Variants in MLLT3 observed in about 807,000 individuals in gnomAD.
MLLT3 encodes the protein protein AF-9.
In MLLT3, 4 loss-of-function variants were observed where a neutral mutation model predicts 53.2. That is an observed-to-expected ratio of 0.08 (90% confidence interval 0.04 to 0.17). The LOEUF is 0.17. Among genes scored for constraint, MLLT3 ranks in the 10% least tolerant of loss-of-function variants. MLLT3 has a pLI of 1.00. For synonymous variants in MLLT3, 283 were observed against 230.6 expected (o/e 1.23, Z -2.06); for missense variants, 569 against 684.0 (o/e 0.83, Z 1.87).
chr9:20,423,686 T>C (rs1433504575), intron 4 of MLLT3, among the ~76,000 whole-genome samples: 3 of 151,460 alleles, frequency 2.0e-5, no homozygotes, highest in Non-Finnish European at 2.9e-5. Flanking sequence ...TAGTGGCATG[T>C]GCCTGTAGTC....
chr9:20,542,157 G>A (rs147330945), intron 2 of MLLT3, among the ~76,000 whole-genome samples: 67 of 152,068 alleles, frequency 4.4e-4, no homozygotes, highest in South Asian at 2.7e-3. Flanking sequence ...TGTGTTGCCA[G>A]GCAAGAAAAT....
intron 2 of MLLT3, among the ~76,000 whole-genome samples, chr9:20,588,837 C>T (rs1277147557): frequency 1.3e-5 from 2 of 152,034 alleles, no homozygotes; most frequent in Non-Finnish European, 2.9e-5. Context: ...TGAAAAAATG[C>T]TCACCATCAC....
rs767971526 is a variant in MLLT3, at chr9:20,363,534, T to C, written c.1273A>G (p.Asn425Asp). ...CTCTCCATTTCAGAGTCATTGTCGT[T>C]ATCCTCCACTTCATCTGATTCCTCC... ...NEEESDEVED[N>D]DNDSEMERPV... is the part of the protein sequence containing the mutation. Residue 425 changes from asparagine (N) to aspartate (D), a missense_variant, in exon 7 of 11, where the codon AAC (asparagine) becomes GAC (aspartate). Coordinates refer to ENST00000380338, the MANE Select transcript of MLLT3 (RefSeq NM_004529.4). 2.5e-6 allele frequency: 4 copies of C among 1,614,140 alleles called. No individual in the cohort carries two copies. The South Asian group carries it at 4.4e-5, about 18-fold the overall frequency.
Position 20,620,295 on chromosome 9 carries a change from G to A in MLLT3, c.193+359C>T, listed in dbSNP as rs915372680. Among the ~76,000 whole-genome samples the A allele has an allele frequency of 1.3e-3, 171 of 136,086 alleles. 1 individual carries two copies. Among genetic ancestry groups the A allele is most frequent in the Non-Finnish European group, 2.1e-3 (131 of 62,224 alleles). The allele number at this position is 136,086 out of a possible 152,430, so 89.3% of individuals were successfully genotyped here. On this transcript the variant is annotated intron_variant, in intron 2 of 10. Transcript: ENST00000380338. The surrounding 1 kb of genome is among the most constrained non-coding windows in gnomAD (Gnocchi z 6.1). ...CACACACACACACACACACACACACGCGCAAAGTGTTTATTCCCTCCAGCC... is the reference window on the plus strand; with the variant it reads ...CACACACACACACACACACACACACACGCAAAGTGTTTATTCCCTCCAGCC...
chr9:20,503,732 C>G (rs1019560907), intron 2 of MLLT3, among the ~76,000 whole-genome samples: 1 of 151,992 alleles, frequency 6.6e-6, no homozygotes, highest in Non-Finnish European at 1.5e-5. Context: ...GAGCTCTGCA[C>G]AGCAAAGAAA....
intron 2 of MLLT3, among the ~76,000 whole-genome samples, chr9:20,467,664 T>C (rs888341069): frequency 2.0e-5 from 3 of 152,194 alleles, no homozygotes; most frequent in Non-Finnish European, 4.4e-5. Flanking sequence ...ATTTTGAGAA[T>C]AGAAGCAAAG....
chr9:20,509,486 G>A (rs1825470892), intron 2 of MLLT3, among the ~76,000 whole-genome samples: 1 of 152,174 alleles, frequency 6.6e-6, no homozygotes, highest in African/African-American at 2.4e-5. Context: ...CATTGAGTAA[G>A]AGGTGGCCCT....
At chr9:20,567,999 C>G (rs762770972) in intron 2 of MLLT3, among the ~76,000 whole-genome samples, 1 of 152,164 alleles carries the variant, frequency 6.6e-6, no homozygotes, top group Non-Finnish European at 1.5e-5. Flanking sequence ...AGTCCATGTT[C>G]TGTGGCTATT....
At chr9:20,523,105 A>G (rs908434731) in intron 2 of MLLT3, among the ~76,000 whole-genome samples, 2 of 152,256 alleles carry the variant, frequency 1.3e-5, no homozygotes, top group Non-Finnish European at 2.9e-5. Flanking sequence ...CAAATGGCAA[A>G]TAAGCACATT....
rs566295233 is a variant in MLLT3, at chr9:20,480,596, T to G, written c.194-23810A>C. 4.6e-5 allele frequency among the ~76,000 whole-genome samples: 7 copies of G among 152,336 alleles called. 1 individual carries two copies. The East Asian group carries it at 7.7e-4, about 17-fold the overall frequency. On this transcript the variant is annotated intron_variant, in intron 2 of 10. Transcript: ENST00000380338. ...CCTTTTCCTCCACGTATTGGAGAGA[T>G]AGCCTAGGTCTTCCGAGCTAGGCAC...
chr9:20,487,804 A>T (rs981626685), intron 2 of MLLT3, among the ~76,000 whole-genome samples: 1 of 152,202 alleles, frequency 6.6e-6, no homozygotes, highest in African/African-American at 2.4e-5. Context: ...GCCATAGACT[A>T]AACATTCAAG....
chr9:20,470,282 A>G (rs908557406), intron 2 of MLLT3, among the ~76,000 whole-genome samples: 1 of 152,040 alleles, frequency 6.6e-6, no homozygotes, highest in Admixed American at 6.6e-5. Flanking sequence ...TCACGTTAGT[A>G]GCAAATATTT....
Position 20,621,223 on chromosome 9 carries a change from G to A in MLLT3, c.13-389C>T, listed in dbSNP as rs1820997442. 6.6e-6 allele frequency among the ~76,000 whole-genome samples: 1 copy of A among 152,190 alleles called. No individual in the cohort carries two copies. The highest frequency in any genetic ancestry group is 2.1e-4 in the South Asian group (1 of 4,826). On this transcript the variant is annotated intron_variant, in intron 1 of 10. Coordinates refer to ENST00000380338, the MANE Select transcript of MLLT3 (RefSeq NM_004529.4). The surrounding 1 kb of genome is among the most constrained non-coding windows in gnomAD (Gnocchi z 7.0). The stretch of plus-strand genomic sequence containing the variant: ...TCCCGGCGTGGGAGGGGAGGTGGCT[G>A]GGACCCAGGGGGACCGAAGGGCTCC...
intron 2 of MLLT3, among the ~76,000 whole-genome samples, chr9:20,507,230 CTTAAG>C (rs1825404679): frequency 6.6e-6 from 1 of 152,316 alleles, no homozygotes; most frequent in Admixed American, 6.5e-5. Context: ...ATATCTACCT[CTTAAG>C]TTTTGAAGCT....
chr9:20,480,189 C>G (rs759740333), intron 2 of MLLT3, among the ~76,000 whole-genome samples: 15 of 152,156 alleles, frequency 9.9e-5, no homozygotes, highest in African/African-American at 3.6e-4. Context: ...AACATGAGAA[C>G]TGAAAATCAA....
chr9:20,492,631 G>A (rs958452595), intron 2 of MLLT3, among the ~76,000 whole-genome samples: 2 of 151,604 alleles, frequency 1.3e-5, no homozygotes, highest in African/African-American at 4.8e-5. Flanking sequence ...AGATTTAATA[G>A]AAAAAAATCA....
At chr9:20,356,518 T>TG (rs1821175431) in intron 8 of MLLT3, among the ~76,000 whole-genome samples, 1 of 151,908 alleles carries the variant, frequency 6.6e-6, no homozygotes, top group South Asian at 2.1e-4. Context: ...ACTCAGATAC[T>TG]GGGCTGGGCA....
intron 2 of MLLT3, among the ~76,000 whole-genome samples, chr9:20,542,744 C>G (rs1332400114): frequency 6.6e-6 from 1 of 152,142 alleles, no homozygotes; most frequent in South Asian, 2.1e-4. Flanking sequence ...TGGCCCTTAA[C>G]AAGAAAGCCA....
intron 8 of MLLT3, among the ~76,000 whole-genome samples, chr9:20,359,145 CAAAAAAAAAAAAA>C (rs920197622): frequency 3.8e-4 from 8 of 20,964 alleles, no homozygotes; most frequent in East Asian, 1.3e-3. Context: ...AACTCCATCT[CAAAAAAAAAAAAA>C]AAAAAAAAAA....
Sources: gnomAD v4.1 joint callset for allele counts (sites outside exome capture counted in the v4.1 genomes callset) on GRCh38, gnomAD v4.1.1 for gene constraint, Gnocchi (gnomAD v3.1) non-coding constraint, MANE v1.5 for transcripts, NCBI Gene and HGNC (gene_info 2026-07-23, HGNC 2026-07-21) for gene names.